The following RNLS variants were observed in gnomAD, a reference collection of about 807,000 sequenced individuals.
The protein encoded by RNLS is renalase, FAD dependent amine oxidase.
Under a neutral mutation model 39.8 loss-of-function variants are expected in RNLS, and 39 were observed. The ratio of observed to expected loss-of-function variants is 0.98; its 90% CI spans 0.76 to 1.28. The LOEUF (loss-of-function observed/expected upper bound fraction) is 1.28. Ranked by LOEUF, RNLS falls within the 50% of genes most tolerant of loss-of-function variation. The probability of loss-of-function intolerance (pLI) is 0.00; values close to 1 mark genes in which losing one functional copy is unlikely to be tolerated. For missense variants in RNLS, 410 were observed against 413.3 expected, an observed-to-expected ratio of 0.99 and a Z score of 0.07; for synonymous variants, 147 against 150.7, an observed-to-expected ratio of 0.98 and a Z score of 0.18.
intron 4 of RNLS, among the ~76,000 whole-genome samples, chr10:88,508,574 G>C (rs1329887434): frequency 6.6e-6 from 1 of 152,144 alleles, no homozygotes; most frequent in Admixed American, 6.6e-5. Context: ...TGAGTTGTTA[G>C]TAATGATGGT....
the RNLS span, among the ~76,000 whole-genome samples, chr10:88,244,221 C>A: frequency 3.9e-5 from 6 of 152,192 alleles, no homozygotes; most frequent in African/African-American, 1.4e-4. Context: ...CAGTGACACA[C>A]ACCAGATATG....
chr10:88,454,808 T>C (rs572374470), intron 4 of RNLS, among the ~76,000 whole-genome samples: 11 of 152,286 alleles, frequency 7.2e-5, no homozygotes, highest in African/African-American at 2.6e-4. Context: ...GGAGGTCTGG[T>C]AGATAACACA....
intron 4 of RNLS, among the ~76,000 whole-genome samples, chr10:88,494,274 G>A (rs1232959332): frequency 1.3e-5 from 2 of 152,098 alleles, no homozygotes; most frequent in Non-Finnish European, 2.9e-5. Context: ...AAAAAGCTTA[G>A]TGGCTTTCAC....
the RNLS span, among the ~76,000 whole-genome samples, chr10:88,186,570 A>G: frequency 2.4e-4 from 36 of 152,332 alleles, no homozygotes; most frequent in South Asian, 7.5e-3. Context: ...CAAGACACCC[A>G]TTCAGTGCCA....
intron 4 of RNLS, among the ~76,000 whole-genome samples, chr10:88,479,165 C>T (rs1355608320): frequency 6.6e-6 from 1 of 152,166 alleles, no homozygotes; most frequent in Non-Finnish European, 1.5e-5. Context: ...CATCTGAAAA[C>T]ATATTAAGCA....
chr10:88,234,581 G>A, the RNLS span, among the ~76,000 whole-genome samples: 2 of 152,172 alleles, frequency 1.3e-5, no homozygotes, highest in African/African-American at 4.8e-5. Flanking sequence ...CTGAGGGCCT[G>A]GTAGCCAGGG....
At chr10:88,300,300 G>C (rs1257424099) in intron 6 of RNLS, among the ~76,000 whole-genome samples, 1 of 152,210 alleles carries the variant, frequency 6.6e-6, no homozygotes, top group Admixed American at 6.5e-5. Context: ...TTGAAAGAGA[G>C]AGAGAAAGAG....
downstream of RNLS, among the ~76,000 whole-genome samples, chr10:88,279,309 A>G (rs1031812532): frequency 1.3e-5 from 2 of 152,184 alleles, no homozygotes; most frequent in Non-Finnish European, 2.9e-5. Flanking sequence ...TTCCTAAATC[A>G]TATTTTACTA....
the RNLS span, among the ~76,000 whole-genome samples, chr10:88,234,577 G>T: frequency 6.6e-6 from 1 of 152,172 alleles, no homozygotes; most frequent in Non-Finnish European, 1.5e-5. Flanking sequence ...CTGGCTGAGG[G>T]CCTGGTAGCC....
At chr10:88,209,088 C>T in the RNLS span, among the ~76,000 whole-genome samples, 7 of 152,050 alleles carry the variant, frequency 4.6e-5, no homozygotes, top group African/African-American at 1.4e-4. Flanking sequence ...GAAACATATC[C>T]GAAACTCTTC....
chr10:88,199,679 C>T, the RNLS span, among the ~76,000 whole-genome samples: 1 of 152,000 alleles, frequency 6.6e-6, no homozygotes, highest in East Asian at 1.9e-4. Context: ...CCTATGGGTC[C>T]CTGGCCTTCA....
At chr10:88,237,084 T>C in the RNLS span, among the ~76,000 whole-genome samples, 1 of 152,150 alleles carries the variant, frequency 6.6e-6, no homozygotes, top group Admixed American at 6.5e-5. Flanking sequence ...AACAAAGTCT[T>C]ATGAAGGAAA....
At chr10:88,420,737 T>A (rs1225184373) in intron 4 of RNLS, among the ~76,000 whole-genome samples, 1 of 152,264 alleles carries the variant, frequency 6.6e-6, no homozygotes, top group Non-Finnish European at 1.5e-5. Context: ...CCAAAGGTCA[T>A]AATGTGAACA....
At chr10:88,252,767 T>A in the RNLS span, among the ~76,000 whole-genome samples, 1 of 152,164 alleles carries the variant, frequency 6.6e-6, no homozygotes, top group Non-Finnish European at 1.5e-5. Context: ...ACAGCTCCTA[T>A]CACACTACCG....
the RNLS span, among the ~76,000 whole-genome samples, chr10:88,245,642 A>AT: frequency 9.3e-5 from 14 of 150,426 alleles, no homozygotes; most frequent in South Asian, 2.1e-4. Context: ...TTTTCTTTTC[A>AT]TTTTTTTTTC....
chr10:88,193,717 A>G, the RNLS span, among the ~76,000 whole-genome samples: 1 of 152,214 alleles, frequency 6.6e-6, no homozygotes, highest in East Asian at 1.9e-4. Flanking sequence ...ATCTTGCTCC[A>G]CTTTACATTA....
intron 4 of RNLS, among the ~76,000 whole-genome samples, chr10:88,476,166 G>A (rs889423678): frequency 3.9e-5 from 6 of 152,116 alleles, no homozygotes; most frequent in Non-Finnish European, 8.8e-5. Flanking sequence ...TTTATGGAAT[G>A]CCTATTAAAA....
chr10:88,312,640 C>T (rs981437149), intron 6 of RNLS, among the ~76,000 whole-genome samples: 2 of 152,080 alleles, frequency 1.3e-5, no homozygotes, highest in African/African-American at 4.8e-5. Flanking sequence ...GTGCTCATCA[C>T]TATAGAGAGT....
intron 5 of RNLS, among the ~76,000 whole-genome samples, chr10:88,353,444 A>T (rs1467942894): frequency 6.6e-6 from 1 of 152,092 alleles, no homozygotes; most frequent in African/African-American, 2.4e-5. Flanking sequence ...GAACATCTTT[A>T]TTTCTGCCTT....
Sources: allele counts gnomAD v4.1 joint callset (sites outside exome capture counted in the v4.1 genomes callset), GRCh38; gene constraint gnomAD v4.1.1; transcripts MANE v1.5; gene names NCBI Gene and HGNC (gene_info 2026-07-23, HGNC 2026-07-21).